The following DOCK1 variants were observed in gnomAD, a reference collection of about 807,000 sequenced individuals.
The protein encoded by DOCK1 is dedicator of cytokinesis 1.
In DOCK1, 138 loss-of-function variants were observed where a neutral mutation model predicts 262.7. That is an observed-to-expected ratio of 0.53 (90% CI 0.46 to 0.61). The LOEUF is 0.61. Among genes scored for constraint, DOCK1 ranks in the 20% least tolerant of loss-of-function variants. The probability of loss-of-function intolerance (pLI) is 0.00; values close to 1 mark genes in which losing one functional copy is unlikely to be tolerated. For missense variants in DOCK1, 1,908 were observed against 2,370.7 expected (o/e 0.80, Z 4.05); for synonymous variants, 866 against 867.4 (o/e 1.00, Z 0.03).
chr10:127,380,150 G>A (rs771772164), intron 36 of DOCK1, 28 bp downstream of exon 36: 3 of 1,417,726 alleles, frequency 2.1e-6, no homozygotes, highest in African/African-American at 2.9e-5. Context: ...TTGTCTGCAT[G>A]TTAATTATAA....
chr10:127,211,675 C>A (rs2057981282), intron 27 of DOCK1, among the ~76,000 whole-genome samples: 1 of 152,142 alleles, frequency 6.6e-6, no homozygotes, highest in African/African-American at 2.4e-5. Flanking sequence ...AAAATTCAGA[C>A]AGCATTGTTT....
intron 46 of DOCK1, among the ~76,000 whole-genome samples, chr10:127,420,235 T>A (rs1436714304): frequency 6.6e-6 from 1 of 152,180 alleles, no homozygotes; most frequent in Non-Finnish European, 1.5e-5. Flanking sequence ...GTTGTGCAAG[T>A]TATTTCACTG....
intron 33 of DOCK1, 92 bp from the exon 34 acceptor site, chr10:127,373,689 C>A: frequency 8.5e-7 from 1 of 1,178,442 alleles, no homozygotes; most frequent in Non-Finnish European, 1.2e-6. Flanking sequence ...CTATGATGAT[C>A]TCTCTTGCCG....
intron 29 of DOCK1, among the ~76,000 whole-genome samples, chr10:127,266,884 G>T (rs566541544): frequency 6.6e-6 from 1 of 152,138 alleles, no homozygotes; most frequent in Non-Finnish European, 1.5e-5. Flanking sequence ...TCCCCAGTTT[G>T]CAGGCACCAG....
chr10:127,141,676 CAAAA>C (rs796870030), intron 27 of DOCK1, among the ~76,000 whole-genome samples: 1 of 139,908 alleles, frequency 7.1e-6, no homozygotes, highest in Non-Finnish European at 1.6e-5. Context: ...GTCTTTAAAA[CAAAA>C]AAAAAAAAAA....
chr10:127,321,197 C>T (rs1451711006), intron 29 of DOCK1, among the ~76,000 whole-genome samples: 1 of 149,844 alleles, frequency 6.7e-6, no homozygotes, highest in Admixed American at 6.7e-5. Flanking sequence ...CTCCCTCTCG[C>T]TCTATCTCTC....
intron 23 of DOCK1, among the ~76,000 whole-genome samples, chr10:127,066,757 C>T (rs1309836757): frequency 1.3e-5 from 2 of 152,232 alleles, no homozygotes; most frequent in African/African-American, 4.8e-5. Flanking sequence ...CTTTGTATTT[C>T]TCAACTGATT....
At chr10:127,133,075 A>G (rs987013660) in intron 27 of DOCK1, among the ~76,000 whole-genome samples, 2 of 152,082 alleles carry the variant, frequency 1.3e-5, no homozygotes, top group Admixed American at 6.6e-5. Context: ...GGGGACATTG[A>G]TGGGATGGTG....
chr10:127,363,063 C>CGA, intron 33 of DOCK1, among the ~76,000 whole-genome samples: 1 of 145,102 alleles, frequency 6.9e-6, no homozygotes, highest in Non-Finnish European at 1.5e-5. Flanking sequence ...ACGTACATCC[C>CGA]CACATATACA....
intron 31 of DOCK1, among the ~76,000 whole-genome samples, chr10:127,346,959 G>A (rs1380558998): frequency 1.3e-5 from 2 of 152,316 alleles, no homozygotes; most frequent in Non-Finnish European, 2.9e-5. Context: ...GGAGATCCAG[G>A]ACAAAGCCCC....
rs1565063724 is a variant in DOCK1 at position 127,403,011 on chromosome 10, T to C, written c.3928-44T>C. Reference sequence around the variant, plus strand: ...CATTCCTGTTTGACTCTTTGCACAATTCAGGCCTCGGCTTCTCTTTCTTTT... The same window carrying C: ...CATTCCTGTTTGACTCTTTGCACAACTCAGGCCTCGGCTTCTCTTTCTTTT... On this transcript the variant is annotated intron_variant, in intron 38 of 51. Coordinates refer to ENST00000623213, the MANE Select transcript of DOCK1 (RefSeq NM_001290223.2). The C allele has an allele frequency of 1.2e-5, 18 of 1,545,012 alleles. 1 individual carries two copies. The highest frequency in any genetic ancestry group is 1.1e-5 in the Non-Finnish European group (13 of 1,137,742).
chr10:127,130,541 C>A (rs535099685), intron 27 of DOCK1, among the ~76,000 whole-genome samples: 1 of 152,288 alleles, frequency 6.6e-6, no homozygotes, highest in East Asian at 1.9e-4. Context: ...ACAGCTTCAT[C>A]AAAGGGTAGA....
chr10:127,364,210 G>T (rs1207999756), intron 33 of DOCK1, among the ~76,000 whole-genome samples: 1 of 152,140 alleles, frequency 6.6e-6, no homozygotes, highest in Admixed American at 6.5e-5. Context: ...CCGGGGAGGA[G>T]CACACAGGAG....
intron 47 of DOCK1, among the ~76,000 whole-genome samples, chr10:127,428,875 GCCATGTGGATTGGGGTA>G (rs2069041310): frequency 6.9e-6 from 1 of 145,788 alleles, no homozygotes; most frequent in Non-Finnish European, 1.5e-5. Flanking sequence ...GGATTGGGGT[GCCATGTGGATTGGGGTA>G]CCGTGTGGAT....
intron 25 of DOCK1, among the ~76,000 whole-genome samples, chr10:127,121,648 T>C (rs2049587910): frequency 6.6e-6 from 1 of 152,112 alleles, no homozygotes; most frequent in Non-Finnish European, 1.5e-5. Context: ...GTAAGAGAAG[T>C]CCCTTAAAAA....
chr10:127,000,193 A>G lies in DOCK1; in HGVS notation c.871A>G (p.Lys291Glu), dbSNP rs2040487184. The change falls in exon 10 of 52, where the codon AAA becomes GAA. Residue 291 changes from lysine to glutamate, a missense_variant. Around this residue, in one of 9 missense-constraint regions of DOCK1, gnomAD observed 102 missense variants for 154.9 expected, o/e 0.66. Transcript: ENST00000623213. The stretch of plus-strand genomic sequence containing the variant: ...CTAGGACCTCGGAAGCAAAGACCTG[A>G]AAAGGGAGAAAATCAGTTTTGTCTG... Reference protein sequence around the residue: ...VFTDLGSKDLKREKISFVCQI... With the variant: ...VFTDLGSKDLEREKISFVCQI... The G allele has an allele frequency of 6.2e-7, 1 of 1,613,844 alleles. No homozygotes were observed. The highest frequency in any genetic ancestry group is 1.3e-5 in the African/African-American group (1 of 74,942).
At chr10:127,240,248 T>C (rs909142001) in intron 27 of DOCK1, among the ~76,000 whole-genome samples, 16 of 140,614 alleles carry the variant, frequency 1.1e-4, no homozygotes, top group Admixed American at 5.4e-4. Context: ...GTGTAAGTTA[T>C]TTTCTGTTTT....
rs954823396 is a variant in DOCK1 at position 127,082,681 on chromosome 10, G to T, written c.2445+20905G>T. ...GGGAGACAGCCCAAACCATATCAGGGTTGCAGAGGCTTATGTGGGAGGATC... is the reference window on the plus strand; with the variant it reads ...GGGAGACAGCCCAAACCATATCAGGTTTGCAGAGGCTTATGTGGGAGGATC... On this transcript the variant is annotated intron_variant, in intron 23 of 51. Transcript: ENST00000623213. Among the ~76,000 whole-genome samples the T allele has an allele frequency of 1.3e-5, 2 of 152,056 alleles. 1 individual carries two copies. Among genetic ancestry groups the T allele is most frequent in the South Asian group, 4.2e-4 (2 of 4,806 alleles).
At chr10:126,913,886 T>G (rs996009944) in intron 1 of DOCK1, among the ~76,000 whole-genome samples, 1 of 152,324 alleles carries the variant, frequency 6.6e-6, no homozygotes, top group South Asian at 2.1e-4. Context: ...CATGTCACCT[T>G]GGGGGTTATT....
Sources: gnomAD v4.1 joint callset for allele counts (sites outside exome capture counted in the v4.1 genomes callset) on GRCh38, gnomAD v4.1.1 for gene constraint, gnomAD v4.1.1 regional missense constraint, MANE v1.5 for transcripts, NCBI Gene and HGNC (gene_info 2026-07-23, HGNC 2026-07-21) for gene names.